The following LRRIQ3 variants were observed in gnomAD, a reference collection of about 807,000 sequenced individuals.
LRRIQ3 encodes the protein leucine rich repeats and IQ motif containing 3.
LRRIQ3 carries 75 observed loss-of-function variants against 59.3 expected under a neutral mutation model. The observed-to-expected ratio is 1.26, with a 90% CI of 1.05 to 1.53. The LOEUF (loss-of-function observed/expected upper bound fraction) is 1.53. Among genes scored for constraint, LRRIQ3 ranks in the 40% most tolerant of loss-of-function variants. LRRIQ3 has a pLI of 0.00. For missense variants in LRRIQ3, 831 were observed against 710.0 expected, an observed-to-expected ratio of 1.17 and a Z score of -1.94; for synonymous variants, 250 against 231.3, an observed-to-expected ratio of 1.08 and a Z score of -0.73.
intron 5 of LRRIQ3, chr1:74,082,328 T>G (rs1393656289): frequency 1.3e-5 from 2 of 151,504 alleles, no homozygotes; most frequent in Non-Finnish European, 3.0e-5. Flanking sequence ...GTTACGATAA[T>G]ATTTTCAATT....
intron 6 of LRRIQ3, among the ~76,000 whole-genome samples, chr1:74,057,140 A>G (rs536092800): frequency 6.6e-6 from 1 of 152,256 alleles, no homozygotes; most frequent in African/African-American, 2.4e-5. Context: ...GAATGGTCTA[A>G]TATACTACCC....
rs528531379 is a variant in LRRIQ3 at position 74,131,140 on chromosome 1, T to G, written c.708-21587A>C. ...AGATATCTAGAAGAAATGGATAAAT[T>G]CCTGGACACATACACCCTCCCAAGA... On this transcript the variant is annotated intron_variant, in intron 4 of 7. Coordinates refer to ENST00000354431, the MANE Select transcript of LRRIQ3 (RefSeq NM_001105659.2). Among the ~76,000 whole-genome samples the G allele has an allele frequency of 3.3e-5, 5 of 152,202 alleles. No individual in the cohort carries two copies. In the South Asian group the frequency reaches 1.0e-3, roughly 32 times the overall value.
At chr1:74,059,079 A>T (rs1246066074) in intron 6 of LRRIQ3, among the ~76,000 whole-genome samples, 1 of 146,830 alleles carries the variant, frequency 6.8e-6, no homozygotes, top group Admixed American at 7.0e-5. Flanking sequence ...AGATATTTTT[A>T]ATATTTCTGG....
chr1:74,073,881 T>C (rs963640721), intron 6 of LRRIQ3, among the ~76,000 whole-genome samples: 8 of 152,176 alleles, frequency 5.3e-5, no homozygotes, highest in Non-Finnish European at 1.0e-4. Flanking sequence ...AAGAAAAGTT[T>C]ATCTAATCAT....
chr1:74,146,388 C>G (rs1395664981), intron 4 of LRRIQ3, among the ~76,000 whole-genome samples: 1 of 152,050 alleles, frequency 6.6e-6, no homozygotes, highest in African/African-American at 2.4e-5. Flanking sequence ...AATATAAACT[C>G]CACAAAGGCA....
chr1:74,028,232 G>C (rs1195220928), intron 7 of LRRIQ3, among the ~76,000 whole-genome samples: 1 of 152,024 alleles, frequency 6.6e-6, no homozygotes, highest in Non-Finnish European at 1.5e-5. Flanking sequence ...CTTTATTTAT[G>C]TGTAGGTATA....
chr1:74,172,113 G>C lies in LRRIQ3; in HGVS notation c.573+10425C>G, dbSNP rs547162068. Among the ~76,000 whole-genome samples the C allele has an allele frequency of 1.8e-4, 28 of 151,966 alleles. No individual in the cohort carries two copies. In the East Asian group the frequency reaches 5.4e-3, roughly 29 times the overall value. ...TCCGTATTTCATTTATTTTTGCCCT[G>C]ATCTTTGTTTCTTTATTTCTGCCAA... On this transcript the variant is annotated intron_variant, in intron 3 of 7. Coordinates refer to ENST00000354431, the MANE Select transcript of LRRIQ3 (RefSeq NM_001105659.2).
At chr1:74,027,940 A>T (rs1270000515) in intron 7 of LRRIQ3, among the ~76,000 whole-genome samples, 3 of 152,086 alleles carry the variant, frequency 2.0e-5, no homozygotes, top group Non-Finnish European at 2.9e-5. Flanking sequence ...GTAAATATAA[A>T]CTAAAGAGCA....
chr1:74,044,261 T>C (rs575836732), intron 6 of LRRIQ3, among the ~76,000 whole-genome samples: 2 of 152,036 alleles, frequency 1.3e-5, no homozygotes, highest in African/African-American at 4.8e-5. Flanking sequence ...CCAAATCCCA[T>C]GTTGAAATGC....
chr1:74,182,853 A>T lies in LRRIQ3; in HGVS notation c.258T>A (p.Ser86Arg). The T allele has an allele frequency of 6.9e-7, 1 of 1,452,130 alleles. No individual in the cohort carries two copies. The highest frequency in any genetic ancestry group is 9.2e-7 in the Non-Finnish European group (1 of 1,091,086). The allele number at this position is 1,452,130 out of a possible 1,614,324, so 90.0% of individuals were successfully genotyped here. A position where few individuals can be genotyped will look rare whatever the true frequency, so the allele number is the denominator to read the frequency against. The change falls in exon 3 of 8, where the codon AGT (serine) becomes AGA (arginine). Residue 86 changes from serine (S) to arginine (R), a missense_variant. Coordinates refer to ENST00000354431, the MANE Select transcript of LRRIQ3 (RefSeq NM_001105659.2). ...CATTCCAAAATTTGGTATTTGGTAGACTCTTTATCTGAAATATTATTAAAA... is the reference window on the plus strand; with the variant it reads ...CATTCCAAAATTTGGTATTTGGTAGTCTCTTTATCTGAAATATTATTAAAA... ...KLDLHGNQIK[S>R]LPNTKFWNGL...
At chr1:74,170,642 G>T (rs1222505718) in intron 3 of LRRIQ3, among the ~76,000 whole-genome samples, 3 of 152,054 alleles carry the variant, frequency 2.0e-5, no homozygotes, top group Admixed American at 6.6e-5. Flanking sequence ...TTTTGCTTAA[G>T]ATTGTTTTGG....
chr1:74,118,176 T>TAC (rs112393915), intron 4 of LRRIQ3, among the ~76,000 whole-genome samples: 10 of 151,810 alleles, frequency 6.6e-5, no homozygotes, highest in East Asian at 3.9e-4. Flanking sequence ...TAAAATTGTA[T>TAC]ACACACACAC....
intron 4 of LRRIQ3, among the ~76,000 whole-genome samples, chr1:74,128,071 C>G (rs1356126467): frequency 6.6e-6 from 1 of 151,974 alleles, no homozygotes; most frequent in Admixed American, 6.6e-5. Flanking sequence ...TTTTCCACTG[C>G]AAAGTCTGTT....
intron 5 of LRRIQ3, among the ~76,000 whole-genome samples, chr1:74,086,451 A>G (rs1299475168): frequency 6.6e-6 from 1 of 152,132 alleles, no homozygotes; most frequent in Admixed American, 6.6e-5. Context: ...TAGAGCTTAC[A>G]GTACTCACTG....
chr1:74,104,709 G>A lies in LRRIQ3; in HGVS notation c.867+4685C>T, dbSNP rs191007016. 4.6e-3 allele frequency among the ~76,000 whole-genome samples: 702 copies of A among 152,070 alleles called. 2 individuals are homozygous for A. The highest frequency in any genetic ancestry group is 0.013 in the Admixed American group (195 of 15,232). On this transcript the variant is annotated intron_variant, in intron 5 of 7. Transcript: ENST00000354431. ...TTGGCAGAGTACAAAGAATTTTTAGGAGAGTGAAACAATTCTGTATACTAC... is the reference window on the plus strand; with the variant it reads ...TTGGCAGAGTACAAAGAATTTTTAGAAGAGTGAAACAATTCTGTATACTAC...
intron 6 of LRRIQ3, among the ~76,000 whole-genome samples, chr1:74,073,409 G>A (rs768148838): frequency 1.3e-5 from 2 of 152,040 alleles, no homozygotes; most frequent in Non-Finnish European, 2.9e-5. Flanking sequence ...CTACTTAGGA[G>A]GCTGAGGTGG....
chr1:74,113,558 T>G (rs1646733471), intron 4 of LRRIQ3, among the ~76,000 whole-genome samples: 1 of 151,846 alleles, frequency 6.6e-6, no homozygotes, highest in Non-Finnish European at 1.5e-5. Flanking sequence ...GGAACCCCAA[T>G]AAAATTAACT....
intron 5 of LRRIQ3, among the ~76,000 whole-genome samples, chr1:74,101,286 C>T (rs965747125): frequency 2.0e-5 from 3 of 152,126 alleles, no homozygotes; most frequent in Admixed American, 6.6e-5. Flanking sequence ...GACATTTATG[C>T]AGCCAATAGA....
chr1:74,102,833 T>C (rs914462100), intron 5 of LRRIQ3, among the ~76,000 whole-genome samples: 1 of 152,034 alleles, frequency 6.6e-6, no homozygotes. Flanking sequence ...CACTTGCTGC[T>C]TTTCAAAACC....
Sources: allele counts gnomAD v4.1 joint callset (sites outside exome capture counted in the v4.1 genomes callset), GRCh38; gene constraint gnomAD v4.1.1; transcripts MANE v1.5; gene names NCBI Gene and HGNC (gene_info 2026-07-23, HGNC 2026-07-21).